The following GMDS variants were observed in gnomAD, a reference collection of about 807,000 sequenced individuals.
GMDS encodes the protein GDP-mannose 4,6-dehydratase.
In GMDS, 20 loss-of-function variants were observed where a neutral mutation model predicts 49.9. The ratio of observed to expected loss-of-function variants is 0.40; its 90% CI spans 0.28 to 0.58. The LOEUF is 0.58. Among genes scored for constraint, GMDS ranks in the 20% least tolerant of loss-of-function variants. The pLI is 0.42. For synonymous variants in GMDS, 177 were observed against 178.6 expected (o/e 0.99, Z 0.07); for missense variants, 362 against 481.4 (o/e 0.75, Z 2.32).
intron 1 of GMDS, among the ~76,000 whole-genome samples, chr6:2,156,135 AT>A (rs1433771697): frequency 6.6e-6 from 1 of 152,164 alleles, no homozygotes; most frequent in Non-Finnish European, 1.5e-5. Context: ...AATATTTTCA[AT>A]TGATACCACT....
rs2745613 is a variant in GMDS, at chr6:1,636,656, G to T, written c.988-12116C>A. Among the ~76,000 whole-genome samples, 1,203 of 152,314 alleles carry T rather than the reference G, an allele frequency of 7.9e-3. 14 individuals carry two copies. Among genetic ancestry groups the T allele is most frequent in the African/African-American group, 0.027 (1,131 of 41,568 alleles). On this transcript the variant is annotated intron_variant, in intron 9 of 10. Transcript: ENST00000380815. Reference sequence around the variant, plus strand: ...GAGGGATGAGCCCCCAGGATGGAGAGCTCAGGGCCTAGCCTGACACCATGA... The same window carrying T: ...GAGGGATGAGCCCCCAGGATGGAGATCTCAGGGCCTAGCCTGACACCATGA...
At position 2,154,331 on chromosome 6, in the gene GMDS, TTC is replaced by T. The variant is rs143911135; in HGVS notation, c.103-29602_103-29601del. Among the ~76,000 whole-genome samples, 863 of 152,268 alleles carry T rather than the reference TTC, an allele frequency of 5.7e-3. 2 individuals are homozygous for T. The highest frequency in any genetic ancestry group is 0.017 in the Middle Eastern group (5 of 294). Reference sequence around the variant, plus strand: ...CAACCCTATTTGGGAACGCATTTACTTCTATTTCAGAAATTCTATCCAACAGC... The same window carrying T: ...CAACCCTATTTGGGAACGCATTTACTTATTTCAGAAATTCTATCCAACAGC... On this transcript the variant is annotated intron_variant, in intron 1 of 10. Coordinates refer to ENST00000380815, the MANE Select transcript of GMDS (RefSeq NM_001500.4).
intron 9 of GMDS, among the ~76,000 whole-genome samples, chr6:1,726,091 C>T (rs1766574529): frequency 6.6e-6 from 1 of 152,236 alleles, no homozygotes; most frequent in African/African-American, 2.4e-5. Context: ...TTAAGTCAGG[C>T]ATCCTGTAGG....
At chr6:2,091,567 T>A (rs186644132) in intron 4 of GMDS, among the ~76,000 whole-genome samples, 1 of 152,118 alleles carries the variant, frequency 6.6e-6, no homozygotes, top group Non-Finnish European at 1.5e-5. Context: ...TAGTATAAGA[T>A]GCTTAATTCT....
intron 4 of GMDS, among the ~76,000 whole-genome samples, chr6:2,008,435 T>C (rs1767336674): frequency 6.6e-6 from 1 of 152,218 alleles, no homozygotes; most frequent in African/African-American, 2.4e-5. Flanking sequence ...TGTTATGGCA[T>C]ACATGTCAGG....
intron 7 of GMDS, among the ~76,000 whole-genome samples, chr6:1,849,934 T>C (rs1046176419): frequency 9.2e-5 from 14 of 152,176 alleles, no homozygotes; most frequent in African/African-American, 3.4e-4. Flanking sequence ...AAATAGGAAG[T>C]TCGTTTTTCA....
intron 7 of GMDS, among the ~76,000 whole-genome samples, chr6:1,866,475 TCTG>T (rs1758447017): frequency 6.6e-6 from 1 of 152,172 alleles, no homozygotes; most frequent in Non-Finnish European, 1.5e-5. Flanking sequence ...ATGAGCTAAT[TCTG>T]CTGCTAATCA....
chr6:1,911,740 G>A (rs922148240), intron 7 of GMDS, among the ~76,000 whole-genome samples: 2 of 152,084 alleles, frequency 1.3e-5, no homozygotes, highest in African/African-American at 4.8e-5. Flanking sequence ...ACCATTGAAG[G>A]ATTTAAATGT....
At chr6:1,916,053 T>C (rs1761372440) in intron 7 of GMDS, among the ~76,000 whole-genome samples, 1 of 152,242 alleles carries the variant, frequency 6.6e-6, no homozygotes. Flanking sequence ...GAAGCTAAGC[T>C]GTACCTGAAG....
chr6:1,964,885 T>C (rs567504761), intron 4 of GMDS, among the ~76,000 whole-genome samples: 113 of 152,282 alleles, frequency 7.4e-4, no homozygotes, highest in Admixed American at 9.8e-4. Context: ...TGTGTTCTCA[T>C]TGTTCAATTG....
chr6:1,991,364 C>G (rs1215297357), intron 4 of GMDS, among the ~76,000 whole-genome samples: 2 of 152,144 alleles, frequency 1.3e-5, no homozygotes, highest in Admixed American at 1.3e-4. Context: ...TTTCCCGCAC[C>G]TGGCCTACTC....
intron 7 of GMDS, among the ~76,000 whole-genome samples, chr6:1,786,799 G>GTTTT (rs35301662): frequency 6.7e-6 from 1 of 149,392 alleles, no homozygotes; most frequent in African/African-American, 2.5e-5. Context: ...GTAATTTGTG[G>GTTTT]TTTTTTTTTT....
chr6:2,089,851 C>G (rs572753654), intron 4 of GMDS, among the ~76,000 whole-genome samples: 1 of 152,176 alleles, frequency 6.6e-6, no homozygotes, highest in East Asian at 1.9e-4. Context: ...GAATCCCCCT[C>G]CACTCCTGCT....
At chr6:1,636,239 C>T (rs535620746) in intron 9 of GMDS, among the ~76,000 whole-genome samples, 36 of 152,286 alleles carry the variant, frequency 2.4e-4, no homozygotes, top group Middle Eastern at 3.4e-3. Flanking sequence ...ACAAGGGTGG[C>T]CTAGAGTGTG....
chr6:2,050,210 A>G (rs1477368927), intron 4 of GMDS, among the ~76,000 whole-genome samples: 2 of 152,322 alleles, frequency 1.3e-5, no homozygotes, highest in African/African-American at 4.8e-5. Context: ...CACCGATCTC[A>G]CAGAAATACA....
chr6:2,218,585 A>T (rs1780443785), intron 1 of GMDS, among the ~76,000 whole-genome samples: 1 of 152,232 alleles, frequency 6.6e-6, no homozygotes, highest in South Asian at 2.1e-4. Flanking sequence ...TGCAATGGAA[A>T]ATAAGCAATT....
At chr6:2,068,997 C>T (rs1431514482) in intron 4 of GMDS, among the ~76,000 whole-genome samples, 2 of 152,182 alleles carry the variant, frequency 1.3e-5, no homozygotes, top group Non-Finnish European at 2.9e-5. Flanking sequence ...GGAGGCATCA[C>T]ACTACCTGAC....
intron 7 of GMDS, among the ~76,000 whole-genome samples, chr6:1,774,334 A>G (rs1040221166): frequency 2.6e-5 from 4 of 152,218 alleles, no homozygotes; most frequent in African/African-American, 4.8e-5. Flanking sequence ...AGCATCTATC[A>G]TAGGATCTTT....
chr6:1,884,839 T>A (rs1197057332), intron 7 of GMDS, among the ~76,000 whole-genome samples: 1 of 152,230 alleles, frequency 6.6e-6, no homozygotes, highest in Non-Finnish European at 1.5e-5. Flanking sequence ...TCATAGCTGA[T>A]CACTTCTAAA....
Sources: gnomAD v4.1 joint callset for allele counts (sites outside exome capture counted in the v4.1 genomes callset) on GRCh38, gnomAD v4.1.1 for gene constraint, MANE v1.5 for transcripts, NCBI Gene and HGNC (gene_info 2026-07-23, HGNC 2026-07-21) for gene names.